Variants in FSTL4 observed in about 807,000 individuals in gnomAD.
The protein encoded by FSTL4 is follistatin like 4, also known as follistatin-related protein 4.
A neutral mutation model predicts 78.2 loss-of-function variants in FSTL4; 28 were observed. The observed-to-expected ratio is 0.36, with a 90% CI of 0.27 to 0.49. The LOEUF is 0.49. Among genes scored for constraint, FSTL4 ranks in the 20% least tolerant of loss-of-function variants. FSTL4 has a pLI of 0.98. For synonymous variants in FSTL4, 422 were observed against 440.5 expected (o/e 0.96, Z 0.53); for missense variants, 922 against 1,084.9 (o/e 0.85, Z 2.11).
chr5:133,706,064 G>A, the FSTL4 span, among the ~76,000 whole-genome samples: 2 of 152,184 alleles, frequency 1.3e-5, no homozygotes, highest in African/African-American at 4.8e-5. Flanking sequence ...AACAGTGTAG[G>A]TGTCCAATAG....
chr5:133,482,819 C>G (rs1324773006), intron 3 of FSTL4, among the ~76,000 whole-genome samples: 1 of 152,110 alleles, frequency 6.6e-6, no homozygotes, highest in Non-Finnish European at 1.5e-5. Context: ...AGCAAGCCTA[C>G]AGGGAAGCTC....
At chr5:133,840,286 G>A in the FSTL4 span, among the ~76,000 whole-genome samples, 1 of 152,186 alleles carries the variant, frequency 6.6e-6, no homozygotes, top group Non-Finnish European at 1.5e-5. Flanking sequence ...ATTTCTTTGG[G>A]GAATCAATAT....
chr5:133,354,637 G>C (rs1325397337), intron 4 of FSTL4, among the ~76,000 whole-genome samples: 2 of 152,198 alleles, frequency 1.3e-5, no homozygotes, highest in African/African-American at 4.8e-5. Flanking sequence ...TCAGAGAGTG[G>C]GCAAAGGGCG....
chr5:133,540,818 C>G (rs762056272), intron 3 of FSTL4, among the ~76,000 whole-genome samples: 5 of 151,192 alleles, frequency 3.3e-5, no homozygotes, highest in Non-Finnish European at 5.9e-5. Context: ...GTGGAATCAT[C>G]AAGTTTATTT....
intron 4 of FSTL4, among the ~76,000 whole-genome samples, chr5:133,398,765 C>T (rs535233909): frequency 6.6e-6 from 1 of 152,238 alleles, no homozygotes; most frequent in Non-Finnish European, 1.5e-5. Context: ...GCAACCAACA[C>T]CACACAGCTG....
the FSTL4 span, among the ~76,000 whole-genome samples, chr5:133,708,677 C>T: frequency 1.3e-5 from 2 of 152,256 alleles, no homozygotes; most frequent in African/African-American, 2.4e-5. Context: ...AGCTGCAACT[C>T]TATCTCCTGA....
intron 4 of FSTL4, among the ~76,000 whole-genome samples, chr5:133,380,070 AAAAT>A (rs1208665584): frequency 6.7e-6 from 1 of 149,248 alleles, no homozygotes; most frequent in Non-Finnish European, 1.5e-5. Context: ...CTCAAAAAAA[AAAAT>A]AAAATAAAAT....
intron 4 of FSTL4, among the ~76,000 whole-genome samples, chr5:133,323,777 C>T (rs1754133815): frequency 1.3e-5 from 2 of 152,226 alleles, no homozygotes; most frequent in Admixed American, 1.3e-4. Flanking sequence ...AAATATTGAT[C>T]AGCTTGCCGA....
At chr5:133,340,102 G>T (rs1187546466) in intron 4 of FSTL4, among the ~76,000 whole-genome samples, 1 of 152,112 alleles carries the variant, frequency 6.6e-6, no homozygotes, top group African/African-American at 2.4e-5. Context: ...GAGCAGAGCA[G>T]CACCCACTTG....
At chr5:133,715,622 C>T in the FSTL4 span, among the ~76,000 whole-genome samples, 4 of 152,088 alleles carry the variant, frequency 2.6e-5, no homozygotes, top group South Asian at 2.1e-4. Context: ...GGACCTGGGC[C>T]AGAGCTCTTA....
chr5:133,240,306 C>T (rs73788007), intron 7 of FSTL4, among the ~76,000 whole-genome samples: 4,975 of 152,292 alleles, frequency 0.033, 270 homozygotes, highest in African/African-American at 0.11. Flanking sequence ...ACATAATAGA[C>T]GGACTTGCCA....
chr5:133,788,961 C>T, the FSTL4 span, among the ~76,000 whole-genome samples: 2 of 152,134 alleles, frequency 1.3e-5, no homozygotes, highest in Non-Finnish European at 2.9e-5. Context: ...ACATCCACTC[C>T]TCCAAGAGGC....
At chr5:133,520,367 C>G (rs907872739) in intron 3 of FSTL4, among the ~76,000 whole-genome samples, 1 of 135,072 alleles carries the variant, frequency 7.4e-6, no homozygotes, top group Non-Finnish European at 1.6e-5. Flanking sequence ...GAGCACACCA[C>G]GGAGGGCTGT....
the FSTL4 span, among the ~76,000 whole-genome samples, chr5:133,732,665 G>A: frequency 2.6e-5 from 4 of 152,020 alleles, no homozygotes; most frequent in South Asian, 2.1e-4. Flanking sequence ...CCCACTGCCC[G>A]CCCAGCTCCA....
At chr5:133,346,252 G>T (rs1301924436) in intron 4 of FSTL4, among the ~76,000 whole-genome samples, 2 of 152,104 alleles carry the variant, frequency 1.3e-5, no homozygotes, top group Non-Finnish European at 2.9e-5. Context: ...GGGGGTTGGG[G>T]GCAAGGGGAG....
At chr5:133,288,876 G>A (rs981689736) in intron 6 of FSTL4, among the ~76,000 whole-genome samples, 1 of 144,540 alleles carries the variant, frequency 6.9e-6, no homozygotes, top group African/African-American at 2.9e-5. Flanking sequence ...TTATTCCTCG[G>A]TTACAGGAAA....
the FSTL4 span, among the ~76,000 whole-genome samples, chr5:133,751,332 C>T: frequency 0.034 from 5,112 of 152,248 alleles, 288 homozygotes; most frequent in African/African-American, 0.12. Flanking sequence ...AGGCAGTGCA[C>T]GTTCATCAAA....
chr5:133,333,352 T>G (rs1754391421), intron 4 of FSTL4, among the ~76,000 whole-genome samples: 1 of 152,256 alleles, frequency 6.6e-6, no homozygotes, highest in African/African-American at 2.4e-5. Context: ...CCTGTCCTTT[T>G]GTGCCCCACA....
At chr5:133,415,058 G>A (rs1347845767) in intron 3 of FSTL4, among the ~76,000 whole-genome samples, 1 of 152,226 alleles carries the variant, frequency 6.6e-6, no homozygotes, top group African/African-American at 2.4e-5. Flanking sequence ...ATATGTAGAT[G>A]TGGCTGGCTA....
Sources: gnomAD v4.1 joint callset for allele counts (sites outside exome capture counted in the v4.1 genomes callset) on GRCh38, gnomAD v4.1.1 for gene constraint, MANE v1.5 for transcripts, NCBI Gene and HGNC (gene_info 2026-07-23, HGNC 2026-07-21) for gene names.